The following OPRM1 variants were observed in gnomAD, a reference collection of about 807,000 sequenced individuals.
The protein encoded by OPRM1 is opioid receptor mu 1.
Under a neutral mutation model 31.8 loss-of-function variants are expected in OPRM1, and 27 were observed. That is an observed-to-expected ratio of 0.85 (90% CI 0.63 to 1.17). The LOEUF is 1.17. OPRM1 is among the 50% of genes most tolerant of loss of function. The pLI, the probability that OPRM1 is intolerant of heterozygous loss-of-function variation, is 0.00. For synonymous variants in OPRM1, 196 were observed against 189.9 expected, an observed-to-expected ratio of 1.03 and a Z score of -0.26; for missense variants, 536 against 511.1, an observed-to-expected ratio of 1.05 and a Z score of -0.47.
chr6:154,073,835 T>C (rs1196046605), intron 1 of OPRM1: 1 of 152,208 alleles, frequency 6.6e-6, no homozygotes, highest in African/African-American at 2.4e-5. Flanking sequence ...AAAACTGGTC[T>C]CTATTAAAAA....
At chr6:154,149,672 T>A (rs1007308760) in intron 3 of OPRM1, among the ~76,000 whole-genome samples, 1 of 151,916 alleles carries the variant, frequency 6.6e-6, no homozygotes, top group Non-Finnish European at 1.5e-5. Flanking sequence ...TTCCCATATA[T>A]CTTGTCTTTA....
intron 3 of OPRM1, among the ~76,000 whole-genome samples, chr6:154,100,695 A>G (rs1794702061): frequency 6.6e-6 from 1 of 151,922 alleles, no homozygotes; most frequent in South Asian, 2.1e-4. Flanking sequence ...GCTAATGTAT[A>G]GAGCACATTT....
chr6:154,051,470 A>G (rs1484635537), intron 1 of OPRM1, among the ~76,000 whole-genome samples: 2 of 152,240 alleles, frequency 1.3e-5, no homozygotes, highest in Non-Finnish European at 2.9e-5. Flanking sequence ...ATTTTACTAT[A>G]GTTAGATGCA....
At chr6:154,232,973 T>A (rs1248613932) in intron 3 of OPRM1, among the ~76,000 whole-genome samples, 3 of 150,550 alleles carry the variant, frequency 2.0e-5, no homozygotes, top group African/African-American at 7.3e-5. Context: ...TCTTTTCTTT[T>A]TTTTTTTTTT....
chr6:154,020,695 G>A (rs1416607931), intron 1 of OPRM1, among the ~76,000 whole-genome samples: 1 of 152,150 alleles, frequency 6.6e-6, no homozygotes, highest in African/African-American at 2.4e-5. Flanking sequence ...TACCGCACCA[G>A]CATTTGGTGG....
chr6:154,151,691 G>A (rs910159647), intron 3 of OPRM1, among the ~76,000 whole-genome samples: 3 of 151,628 alleles, frequency 2.0e-5, no homozygotes, highest in Admixed American at 1.3e-4. Context: ...CAGGCACCCT[G>A]TTTGCCTGGG....
chr6:154,171,564 T>G (rs1186899715), intron 3 of OPRM1, among the ~76,000 whole-genome samples: 2 of 152,190 alleles, frequency 1.3e-5, no homozygotes, highest in African/African-American at 4.8e-5. Context: ...AGCTGCACAA[T>G]TCCAAATATA....
intron 3 of OPRM1, among the ~76,000 whole-genome samples, chr6:154,148,152 C>T (rs1459740492): frequency 1.3e-5 from 2 of 152,140 alleles, no homozygotes; most frequent in Non-Finnish European, 2.9e-5. Context: ...ACTTCCTTGG[C>T]CATACAGTGG....
At chr6:154,107,491 T>C (rs1364602320) in intron 3 of OPRM1, 4 of 718,490 alleles carry the variant, frequency 5.6e-6, no homozygotes, top group African/African-American at 1.7e-5. Context: ...ACTGTCACTG[T>C]GAAAATGCAA....
chr6:154,081,509 A>G (rs1426042257), intron 1 of OPRM1, among the ~76,000 whole-genome samples: 2 of 150,998 alleles, frequency 1.3e-5, no homozygotes, highest in African/African-American at 2.4e-5. Flanking sequence ...CCATCTCTAA[A>G]TAAATAAATA....
intron 1 of OPRM1, among the ~76,000 whole-genome samples, chr6:154,049,283 CCAA>C (rs901342821): frequency 3.3e-5 from 5 of 151,820 alleles, no homozygotes; most frequent in African/African-American, 4.8e-5. Flanking sequence ...ACCACCACCA[CCAA>C]CAACAACAAC....
chr6:154,042,592 G>A (rs1015757303), intron 1 of OPRM1, among the ~76,000 whole-genome samples: 1 of 152,034 alleles, frequency 6.6e-6, no homozygotes, highest in Non-Finnish European at 1.5e-5. Flanking sequence ...TTAACTCTTT[G>A]GTTCTGTTTG....
downstream of OPRM1, among the ~76,000 whole-genome samples, chr6:154,132,679 T>C (rs1045758397): frequency 6.7e-6 from 1 of 150,268 alleles, no homozygotes; most frequent in Non-Finnish European, 1.5e-5. Flanking sequence ...GATAGTCTAC[T>C]TTTTTTAAAA....
At chr6:154,076,663 C>T (rs1362386425) in intron 1 of OPRM1, among the ~76,000 whole-genome samples, 1 of 152,174 alleles carries the variant, frequency 6.6e-6, no homozygotes, top group Non-Finnish European at 1.5e-5. Flanking sequence ...GATCCTGAAT[C>T]TGACACCTCC....
At chr6:154,116,747 G>A (rs1414622224) in intron 3 of OPRM1, among the ~76,000 whole-genome samples, 6 of 152,142 alleles carry the variant, frequency 3.9e-5, no homozygotes, top group Non-Finnish European at 5.9e-5. Context: ...GGTCCCACAT[G>A]AGACAGCCTT....
chr6:154,030,922 A>G (rs58991829), intron 1 of OPRM1, among the ~76,000 whole-genome samples: 4,371 of 148,570 alleles, frequency 0.029, 193 homozygotes, highest in African/African-American at 0.1. Context: ...AAATACAAAG[A>G]CAAGTTACAT....
At chr6:154,029,695 A>G (rs747446841) in intron 1 of OPRM1, among the ~76,000 whole-genome samples, 2 of 152,198 alleles carry the variant, frequency 1.3e-5, no homozygotes, top group African/African-American at 2.4e-5. Context: ...TGTAGTTTCC[A>G]TAATCCCCGC....
At chr6:154,233,655 G>A (rs890831383) in intron 3 of OPRM1, among the ~76,000 whole-genome samples, 11 of 152,174 alleles carry the variant, frequency 7.2e-5, no homozygotes, top group African/African-American at 2.4e-4. Flanking sequence ...ATGGTTCTGA[G>A]GATACTGAGG....
chr6:154,067,430 A>C (rs1785679796), intron 1 of OPRM1, among the ~76,000 whole-genome samples: 1 of 151,580 alleles, frequency 6.6e-6, no homozygotes, highest in Non-Finnish European at 1.5e-5. Context: ...GAGTGTTCTT[A>C]ATTTTCACAA....
Sources: allele counts gnomAD v4.1 joint callset (sites outside exome capture counted in the v4.1 genomes callset), GRCh38; gene constraint gnomAD v4.1.1; transcripts MANE v1.5; gene names NCBI Gene and HGNC (gene_info 2026-07-23, HGNC 2026-07-21).